The following USP25 variants were observed in gnomAD, a reference collection of about 807,000 sequenced individuals.
USP25 encodes the protein ubiquitin specific peptidase 25.
Under a neutral mutation model 158.5 loss-of-function variants are expected in USP25, and 85 were observed. That is an observed-to-expected ratio of 0.54 (90% CI 0.45 to 0.64). The LOEUF is 0.64. Ranked by LOEUF, USP25 falls within the 30% of genes least tolerant of loss-of-function variation. USP25 has a pLI of 0.00. For missense variants in USP25, 1,242 were observed against 1,327.3 expected, an observed-to-expected ratio of 0.94 and a Z score of 1.00; for synonymous variants, 464 against 460.4, an observed-to-expected ratio of 1.01 and a Z score of -0.10.
chr21:15,858,072 C>T (rs1377237177), intron 20 of USP25, among the ~76,000 whole-genome samples: 3 of 152,062 alleles, frequency 2.0e-5, no homozygotes, highest in African/African-American at 7.2e-5. Context: ...GGACAATACA[C>T]TGAATACCAG....
At position 15,791,660 on chromosome 21, in the gene USP25, T is replaced by C. The variant is rs1239840636; in HGVS notation, c.551T>C (p.Ile184Thr). ...AATACTTGTTGGTTTAGTGCTGTTA[T>C]TCAGGTAAGGATTTTTCTTTATTCA... ...VGNTCWFSAV[I>T]QSLFNLLEFR... The change falls in exon 5 of 26, where the codon ATT becomes ACT. Residue 184 changes from isoleucine (I) to threonine (T), a missense_variant. By Grantham distance (89) the Ile-to-Thr change is moderately conservative (BLOSUM62 -1). Around this residue, in one of 3 missense-constraint regions of USP25, gnomAD observed 627 missense variants for 701.4 expected, o/e 0.89. Transcript: ENST00000400183. 1.2e-6 allele frequency: 2 copies of C among 1,606,448 alleles called. No homozygotes were observed. Among genetic ancestry groups the C allele is most frequent in the Non-Finnish European group, 1.7e-6 (2 of 1,176,446 alleles).
intron 22 of USP25, among the ~76,000 whole-genome samples, chr21:15,869,177 G>A (rs1305998637): frequency 6.6e-6 from 1 of 151,678 alleles, no homozygotes; most frequent in Non-Finnish European, 1.5e-5. Context: ...GAGCCCAGAA[G>A]GTCAAGTCTG....
At chr21:15,851,610 T>C (rs1445478961) in intron 20 of USP25, among the ~76,000 whole-genome samples, 5 of 152,118 alleles carry the variant, frequency 3.3e-5, no homozygotes, top group Non-Finnish European at 5.9e-5. Flanking sequence ...AGTTATATTA[T>C]AAATATTACT....
intron 1 of USP25, among the ~76,000 whole-genome samples, chr21:15,736,039 C>G (rs980933489): frequency 2.0e-5 from 3 of 149,158 alleles, no homozygotes; most frequent in African/African-American, 7.5e-5. Context: ...TGTAGACATG[C>G]CATTTTTTTT....
chr21:15,797,185 G>A (rs1395877427), intron 5 of USP25, among the ~76,000 whole-genome samples: 1 of 151,322 alleles, frequency 6.6e-6, no homozygotes, highest in African/African-American at 2.4e-5. Flanking sequence ...TAGTTCCAGA[G>A]GGAGAGTAAA....
intron 20 of USP25, among the ~76,000 whole-genome samples, chr21:15,862,558 TC>T (rs1210603081): frequency 6.8e-6 from 1 of 147,766 alleles, no homozygotes; most frequent in African/African-American, 2.5e-5. Flanking sequence ...ATGTTTGGTC[TC>T]CCCCCTTCCC....
chr21:15,750,195 T>TGC (rs1236433207), intron 1 of USP25, among the ~76,000 whole-genome samples: 1 of 143,252 alleles, frequency 7.0e-6, no homozygotes, highest in Non-Finnish European at 1.5e-5. Context: ...TGTGTGTGTG[T>TGC]GTGTGTGTGT....
At chr21:15,861,832 A>G (rs1358465364) in intron 20 of USP25, among the ~76,000 whole-genome samples, 1 of 152,090 alleles carries the variant, frequency 6.6e-6, no homozygotes, top group Admixed American at 6.5e-5. Context: ...TGTGTGATTG[A>G]AAAACAGCTC....
At chr21:15,765,084 C>T (rs1371288855) in intron 2 of USP25, among the ~76,000 whole-genome samples, 1 of 152,074 alleles carries the variant, frequency 6.6e-6, no homozygotes, top group Non-Finnish European at 1.5e-5. Context: ...TCATTCCTTT[C>T]CAAAACACTC....
At chr21:15,813,869 C>T (rs1260740161) in intron 9 of USP25, among the ~76,000 whole-genome samples, 5 of 151,954 alleles carry the variant, frequency 3.3e-5, no homozygotes. Flanking sequence ...TGATTTTCTA[C>T]ATGTGGTTAA....
intron 4 of USP25, among the ~76,000 whole-genome samples, chr21:15,779,885 A>G (rs551602126): frequency 7.9e-5 from 12 of 152,246 alleles, no homozygotes; most frequent in South Asian, 4.1e-4. Flanking sequence ...TGTAAATTCA[A>G]TAACCCGCAA....
intron 1 of USP25, among the ~76,000 whole-genome samples, chr21:15,760,553 A>G (rs2033663453): frequency 6.6e-6 from 1 of 152,226 alleles, no homozygotes; most frequent in Non-Finnish European, 1.5e-5. Flanking sequence ...GGGCTGCAAT[A>G]TCTCTTAAAC....
Position 15,777,892 on chromosome 21 carries a change from T to C in USP25, c.269-12T>C. On this transcript the variant is annotated splice_polypyrimidine_tract_variant and intron_variant, in intron 3 of 25. Coordinates refer to ENST00000400183, the MANE Select transcript of USP25 (RefSeq NM_001283041.3). ...TACTTTTAATTTTGAGAAAGATAGT[T>C]TTGCTTTTCAGATGTGATTGATCTC... 6.4e-7 allele frequency: 1 copy of C among 1,566,674 alleles called. No individual in the cohort carries two copies. The highest frequency in any genetic ancestry group is 8.6e-7 in the Non-Finnish European group (1 of 1,163,770).
intron 4 of USP25, among the ~76,000 whole-genome samples, chr21:15,778,421 A>G (rs191103932): frequency 6.6e-6 from 1 of 152,118 alleles, no homozygotes; most frequent in Admixed American, 6.6e-5. Context: ...TGTTATAGCT[A>G]TTCAGCTCTG....
intron 1 of USP25, among the ~76,000 whole-genome samples, chr21:15,758,514 C>G (rs540932989): frequency 1.3e-5 from 2 of 152,114 alleles, no homozygotes; most frequent in Non-Finnish European, 2.9e-5. Flanking sequence ...TGCCTTTGCC[C>G]CTCCTTCACC....
intron 1 of USP25, among the ~76,000 whole-genome samples, chr21:15,738,781 C>G (rs550094308): frequency 1.3e-5 from 2 of 152,140 alleles, no homozygotes; most frequent in African/African-American, 4.8e-5. Flanking sequence ...GCAGACAGCC[C>G]AGGGCCACAC....
chr21:15,747,250 C>A (rs1157311608), intron 1 of USP25, among the ~76,000 whole-genome samples: 3 of 152,164 alleles, frequency 2.0e-5, no homozygotes, highest in Middle Eastern at 3.4e-3. Flanking sequence ...CCAAGACCCC[C>A]AGTGGATGCC....
intron 7 of USP25, among the ~76,000 whole-genome samples, chr21:15,808,354 T>G (rs2036494222): frequency 6.6e-6 from 1 of 150,428 alleles, no homozygotes; most frequent in South Asian, 2.1e-4. Context: ...GTGTGTAAGT[T>G]GAATTAAGAA....
intron 1 of USP25, chr21:15,743,881 C>T (rs1017501466): frequency 6.4e-6 from 1 of 155,100 alleles, no homozygotes; most frequent in Non-Finnish European, 1.5e-5. Context: ...CTGCGCAGGC[C>T]TCCTGGGGTC....
Sources: allele counts gnomAD v4.1 joint callset (sites outside exome capture counted in the v4.1 genomes callset), GRCh38; gene constraint gnomAD v4.1.1; regional missense constraint gnomAD v4.1.1; transcripts MANE v1.5; gene names NCBI Gene and HGNC (gene_info 2026-07-23, HGNC 2026-07-21).